IL1RAPL1: variants seen among roughly 807,000 people sequenced by gnomAD.
IL1RAPL1 encodes interleukin 1 receptor accessory protein like 1, also known as interleukin-1 receptor accessory protein-like 1.
In IL1RAPL1, 3 loss-of-function variants were observed where a neutral mutation model predicts 48.4. The observed-to-expected ratio is 0.06, with a 90% CI of 0.03 to 0.16. The LOEUF (loss-of-function observed/expected upper bound fraction) is 0.16, where lower values mean the gene tolerates loss of function less well. Ranked by LOEUF, IL1RAPL1 falls within the 10% of genes least tolerant of loss-of-function variation. The pLI, the probability that IL1RAPL1 is intolerant of heterozygous loss-of-function variation, is 1.00. For missense variants in IL1RAPL1, 349 were observed against 530.6 expected, an observed-to-expected ratio of 0.66 and a Z score of 3.36; for synonymous variants, 185 against 187.7, an observed-to-expected ratio of 0.99 and a Z score of 0.12.
At chrX:28,613,570 T>G (rs1048799583) in intron 1 of IL1RAPL1, among the ~76,000 whole-genome samples, 1 of 112,676 alleles carries the variant, frequency 8.9e-6, no homozygotes, top group Non-Finnish European at 1.9e-5. Flanking sequence ...AGAATGTGCT[T>G]TCTTTCCTTT....
At position 29,042,630 on chromosome X, in the gene IL1RAPL1, G is replaced by A. The variant is rs113793646; in HGVS notation, c.83-240308G>A. On this transcript the variant is annotated intron_variant, in intron 2 of 10. Transcript: ENST00000378993. ...TATATTATATTATTCATCTTTTGTA[G>A]GAAAAGTTTTATTGAATTGGAGAAC... 6.5e-3 allele frequency among the ~76,000 whole-genome samples: 719 copies of A among 111,411 alleles called. 9 individuals are homozygous for A. Among genetic ancestry groups the A allele is most frequent in the African/African-American group, 0.022 (685 of 30,696 alleles).
chrX:29,094,780 A>AAAAAAG (rs1416325496), intron 2 of IL1RAPL1, among the ~76,000 whole-genome samples: 12 of 77,581 alleles, frequency 1.5e-4, no homozygotes, highest in African/African-American at 6.1e-4. Flanking sequence ...TCAAAAAAAA[A>AAAAAAG]AAAAAAAAAA....
chrX:29,094,826 C>T (rs1377817753), intron 2 of IL1RAPL1, among the ~76,000 whole-genome samples: 1 of 37,740 alleles, frequency 2.6e-5, no homozygotes, highest in Non-Finnish European at 4.3e-5. Flanking sequence ...ATAGAAAACA[C>T]ACCTAAAAAC....
intron 2 of IL1RAPL1, among the ~76,000 whole-genome samples, chrX:29,053,748 G>A (rs925040906): frequency 9.0e-6 from 1 of 111,625 alleles, no homozygotes; most frequent in East Asian, 2.8e-4. Context: ...TTTTGTATAT[G>A]GTGTAAGGAA....
At chrX:29,054,390 G>A (rs765906200) in intron 2 of IL1RAPL1, among the ~76,000 whole-genome samples, 1 of 110,993 alleles carries the variant, frequency 9.0e-6, no homozygotes, top group East Asian at 2.8e-4. Context: ...ACCAAATACC[G>A]CTGCCTCCCA....
At chrX:29,179,893 T>C (rs759876714) in intron 2 of IL1RAPL1, among the ~76,000 whole-genome samples, 1 of 111,376 alleles carries the variant, frequency 9.0e-6, no homozygotes, top group African/African-American at 3.3e-5. Flanking sequence ...AAGACAAAAG[T>C]ATCCGATTCA....
chrX:29,094,879 C>T (rs1182232394), intron 2 of IL1RAPL1, among the ~76,000 whole-genome samples: 1 of 99,719 alleles, frequency 1.0e-5, no homozygotes, highest in Non-Finnish European at 2.0e-5. Flanking sequence ...ATCTCACTGC[C>T]TGGTATTAAC....
chrX:29,709,436 T>A (rs6526920), intron 6 of IL1RAPL1, among the ~76,000 whole-genome samples: 13,522 of 111,398 alleles, frequency 0.12, 1,315 homozygotes, highest in African/African-American at 0.32. Flanking sequence ...TAGCACCTTT[T>A]TGAAAATCAA....
chrX:28,785,236 C>G (rs371258708), intron 1 of IL1RAPL1, among the ~76,000 whole-genome samples: 1 of 111,564 alleles, frequency 9.0e-6, no homozygotes, highest in African/African-American at 3.3e-5. Flanking sequence ...GTGATCCACC[C>G]GCCTCAGCCT....
At chrX:28,793,719 G>A (rs1479989782) in intron 2 of IL1RAPL1, among the ~76,000 whole-genome samples, 1 of 111,139 alleles carries the variant, frequency 9.0e-6, no homozygotes, top group African/African-American at 3.3e-5. Flanking sequence ...GCACTTTGCG[G>A]GGACTAAAGT....
intron 2 of IL1RAPL1, among the ~76,000 whole-genome samples, chrX:28,878,750 A>T (rs1490348523): frequency 1.8e-5 from 2 of 111,401 alleles, no homozygotes; most frequent in African/African-American, 6.5e-5. Flanking sequence ...TCAGGATCAG[A>T]GGGCTCTGGG....
intron 2 of IL1RAPL1, among the ~76,000 whole-genome samples, chrX:29,119,642 G>C (rs774210399): frequency 9.0e-6 from 1 of 111,210 alleles, no homozygotes; most frequent in South Asian, 3.8e-4. Context: ...ACCTGTAATT[G>C]ACGAATCTTT....
intron 2 of IL1RAPL1, among the ~76,000 whole-genome samples, chrX:29,151,075 C>A (rs149581004): frequency 0.014 from 1,595 of 111,419 alleles, 37 homozygotes; most frequent in African/African-American, 0.05. Flanking sequence ...GTATCAGGCT[C>A]CTTCCACCAC....
At chrX:28,722,127 C>G (rs1261187195) in intron 1 of IL1RAPL1, among the ~76,000 whole-genome samples, 9 of 111,349 alleles carry the variant, frequency 8.1e-5, no homozygotes, top group Non-Finnish European at 1.7e-4. Flanking sequence ...TCTAATTCTG[C>G]GAAGAAAGTC....
At chrX:28,665,199 A>C (rs1257100480) in intron 1 of IL1RAPL1, among the ~76,000 whole-genome samples, 1 of 111,196 alleles carries the variant, frequency 9.0e-6, no homozygotes, top group Non-Finnish European at 1.9e-5. Context: ...TTGCAAGGCA[A>C]TGCAGTCAAC....
At chrX:28,928,497 C>T (rs897691884) in intron 2 of IL1RAPL1, among the ~76,000 whole-genome samples, 1 of 112,012 alleles carries the variant, frequency 8.9e-6, no homozygotes, top group Non-Finnish European at 1.9e-5. Context: ...GTCCTAACCT[C>T]TGCCTAGCTT....
At chrX:29,280,730 CAG>C (rs1932188352) in intron 2 of IL1RAPL1, among the ~76,000 whole-genome samples, 1 of 111,684 alleles carries the variant, frequency 9.0e-6, no homozygotes. Flanking sequence ...ACCGGGGAGA[CAG>C]AAAGCAAAGT....
At chrX:29,476,774 A>T (rs1934978974) in intron 5 of IL1RAPL1, among the ~76,000 whole-genome samples, 1 of 109,838 alleles carries the variant, frequency 9.1e-6, no homozygotes, top group Admixed American at 9.6e-5. Flanking sequence ...TCGAAAAAAC[A>T]AACCAATAAT....
chrX:29,552,865 A>G (rs1190806640), intron 5 of IL1RAPL1, among the ~76,000 whole-genome samples: 1 of 75,318 alleles, frequency 1.3e-5, no homozygotes. Context: ...ATTAAGTGTC[A>G]ATAGACTTTT....
Sources: gnomAD v4.1 joint callset for allele counts (sites outside exome capture counted in the v4.1 genomes callset) on GRCh38, gnomAD v4.1.1 for gene constraint, MANE v1.5 for transcripts, NCBI Gene and HGNC (gene_info 2026-07-23, HGNC 2026-07-21) for gene names.